The following GRIA4 variants were observed in gnomAD, a reference collection of about 807,000 sequenced individuals.
The protein encoded by GRIA4 is glutamate ionotropic receptor AMPA type subunit 4.
A neutral mutation model predicts 104.0 loss-of-function variants in GRIA4; 34 were observed. The observed-to-expected ratio is 0.33, with a 90% CI of 0.25 to 0.44. The LOEUF is 0.44. GRIA4 is among the 20% of genes least tolerant of loss of function. The pLI, the probability that GRIA4 is intolerant of heterozygous loss-of-function variation, is 1.00. For missense variants in GRIA4, 750 were observed against 1,096.5 expected, an observed-to-expected ratio of 0.68 and a Z score of 4.46; for synonymous variants, 386 against 381.9, an observed-to-expected ratio of 1.01 and a Z score of -0.13.
intron 3 of GRIA4, among the ~76,000 whole-genome samples, chr11:105,636,293 A>G (rs1053782832): frequency 6.6e-6 from 1 of 152,220 alleles, no homozygotes; most frequent in Non-Finnish European, 1.5e-5. Context: ...AAAATTGCAA[A>G]AGTGGGAATA....
chr11:105,692,571 C>T (rs925216826), intron 3 of GRIA4, among the ~76,000 whole-genome samples: 5 of 152,196 alleles, frequency 3.3e-5, no homozygotes, highest in Admixed American at 2.0e-4. Context: ...GCTCACCATA[C>T]TTATTTAACT....
At chr11:105,838,585 T>A (rs1225418253) in intron 4 of GRIA4, among the ~76,000 whole-genome samples, 1 of 152,232 alleles carries the variant, frequency 6.6e-6, no homozygotes, top group African/African-American at 2.4e-5. Flanking sequence ...TTTTATTTAT[T>A]TTTTAAGCAA....
At chr11:105,840,675 TCAAA>T (rs1303735476) in intron 4 of GRIA4, among the ~76,000 whole-genome samples, 2 of 152,196 alleles carry the variant, frequency 1.3e-5, no homozygotes, top group Non-Finnish European at 2.9e-5. Context: ...TCAGAGGCTC[TCAAA>T]CAATTTCAGA....
chr11:105,850,144 A>C (rs1397944617), intron 4 of GRIA4, among the ~76,000 whole-genome samples: 2 of 152,208 alleles, frequency 1.3e-5, no homozygotes, highest in Non-Finnish European at 2.9e-5. Flanking sequence ...TAATTGCCAC[A>C]TTGTAAATAT....
intron 7 of GRIA4, among the ~76,000 whole-genome samples, chr11:105,903,201 G>A (rs1285360214): frequency 6.6e-6 from 1 of 152,232 alleles, no homozygotes; most frequent in Middle Eastern, 3.4e-3. Context: ...GGTGTGGTGT[G>A]GCAATATCCA....
chr11:105,763,687 C>T (rs1348081338), intron 4 of GRIA4, among the ~76,000 whole-genome samples: 2 of 152,124 alleles, frequency 1.3e-5, no homozygotes, highest in Admixed American at 6.6e-5. Flanking sequence ...AAATAAGCAT[C>T]CTCTACAAAA....
intron 3 of GRIA4, among the ~76,000 whole-genome samples, chr11:105,695,290 A>G (rs1953229650): frequency 6.6e-6 from 1 of 152,110 alleles, no homozygotes; most frequent in South Asian, 2.1e-4. Context: ...GAGCTTTTAT[A>G]TCTTCCATCT....
rs930780856 is a variant in GRIA4, at chr11:105,814,696, A to AT, written c.488-47322dup. Among the ~76,000 whole-genome samples, 21 of 152,174 alleles carry AT rather than the reference A, an allele frequency of 1.4e-4. 1 individual carries two copies. Among genetic ancestry groups the AT allele is most frequent in the African/African-American group, 3.6e-4 (15 of 41,440 alleles). On this transcript the variant is annotated intron_variant, in intron 4 of 16. Coordinates refer to ENST00000282499, the MANE Select transcript of GRIA4 (RefSeq NM_000829.4). ...GAAAGGGAAAAAAAGAATTGGCTACATTTTTTAGCTTCAGACTCTTAAGAA... is the reference window on the plus strand; with the variant it reads ...GAAAGGGAAAAAAAGAATTGGCTACATTTTTTTAGCTTCAGACTCTTAAGAA...
intron 12 of GRIA4, 27 bp downstream of exon 12, chr11:105,924,796 C>A: frequency 6.6e-7 from 1 of 1,504,532 alleles, no homozygotes; most frequent in Non-Finnish European, 9.1e-7. Context: ...TTAAGTTCTT[C>A]ACTGATTTCC....
At chr11:105,890,519 TA>T in intron 6 of GRIA4, among the ~76,000 whole-genome samples, 1 of 152,234 alleles carries the variant, frequency 6.6e-6, no homozygotes, top group Non-Finnish European at 1.5e-5. Context: ...CTTCTTCAAT[TA>T]ACAACCATTC....
chr11:105,885,735 T>G (rs747886413), intron 5 of GRIA4, among the ~76,000 whole-genome samples: 1 of 152,258 alleles, frequency 6.6e-6, no homozygotes, highest in Non-Finnish European at 1.5e-5. Flanking sequence ...GGAAAATATC[T>G]TCCTTGAGAA....
chr11:105,646,814 T>C (rs1050950523), intron 3 of GRIA4, among the ~76,000 whole-genome samples: 1 of 152,152 alleles, frequency 6.6e-6, no homozygotes, highest in African/African-American at 2.4e-5. Context: ...GAGACTTAAA[T>C]GTAAAACTGA....
At position 105,903,921 on chromosome 11, in the gene GRIA4, T is replaced by C. The variant is rs369645471; in HGVS notation, c.993T>C (p.Cys331=). The change falls in exon 8 of 17, where the codon TGT becomes TGC. Residue 331 remains cysteine, a synonymous_variant. Coordinates refer to ENST00000282499, the MANE Select transcript of GRIA4 (RefSeq NM_000829.4). The part of the protein sequence containing the change: ...DISRRGNAGD[C]LANPAAPWGQ... ...CAAGGAGAGGAAATGCTGGGGATTG[T>C]CTGGCAAATCCTGCTGCTCCATGGG... The C allele has an allele frequency of 1.3e-4, 216 of 1,613,434 alleles. No homozygotes were observed. Among genetic ancestry groups the C allele is most frequent in the Non-Finnish European group, 1.8e-4 (210 of 1,179,482 alleles).
At chr11:105,845,477 T>C (rs1408977256) in intron 4 of GRIA4, among the ~76,000 whole-genome samples, 2 of 152,132 alleles carry the variant, frequency 1.3e-5, no homozygotes, top group Admixed American at 1.3e-4. Context: ...CAATGTTACA[T>C]GGTAAGAAGA....
At chr11:105,952,316 C>A (rs1418815465) in intron 14 of GRIA4, among the ~76,000 whole-genome samples, 1 of 152,092 alleles carries the variant, frequency 6.6e-6, no homozygotes, top group African/African-American at 2.4e-5. Flanking sequence ...AGTATTTGTA[C>A]TTTCATTGAA....
At chr11:105,725,467 G>A (rs1188898426) in intron 3 of GRIA4, among the ~76,000 whole-genome samples, 1 of 152,116 alleles carries the variant, frequency 6.6e-6, no homozygotes, top group African/African-American at 2.4e-5. Flanking sequence ...GCTAATACCT[G>A]ATTATAGCCA....
intron 3 of GRIA4, among the ~76,000 whole-genome samples, chr11:105,750,641 G>A (rs1033552639): frequency 2.6e-5 from 4 of 152,156 alleles, no homozygotes; most frequent in Admixed American, 6.6e-5. Flanking sequence ...ATAGTGAAAA[G>A]TCATAATGAT....
chr11:105,742,633 G>A (rs1385213780), intron 3 of GRIA4, among the ~76,000 whole-genome samples: 1 of 151,050 alleles, frequency 6.6e-6, no homozygotes, highest in Non-Finnish European at 1.5e-5. Flanking sequence ...TATATATATA[G>A]CCTCTCTTGA....
Position 105,794,212 on chromosome 11 carries a change from G to A in GRIA4, c.487+40992G>A, listed in dbSNP as rs183858866. 2.0e-4 allele frequency among the ~76,000 whole-genome samples: 30 copies of A among 151,382 alleles called. 1 individual carries two copies. The highest frequency in any genetic ancestry group is 3.4e-3 in the Middle Eastern group (1 of 294). ...TGGCCGATTAAAAACTATCTTATTCGGTGTTTGTGGGCACTTATTGATCTT... is the reference window on the plus strand; with the variant it reads ...TGGCCGATTAAAAACTATCTTATTCAGTGTTTGTGGGCACTTATTGATCTT... On this transcript the variant is annotated intron_variant, in intron 4 of 16. Coordinates refer to ENST00000282499, the MANE Select transcript of GRIA4 (RefSeq NM_000829.4).
Sources: gnomAD v4.1 joint callset for allele counts (sites outside exome capture counted in the v4.1 genomes callset) on GRCh38, gnomAD v4.1.1 for gene constraint, MANE v1.5 for transcripts, NCBI Gene and HGNC (gene_info 2026-07-23, HGNC 2026-07-21) for gene names.